ZNF804A: variants seen among roughly 807,000 people sequenced by gnomAD.
ZNF804A encodes zinc finger protein 804A.
Under a neutral mutation model 16.5 loss-of-function variants are expected in ZNF804A, and 2 were observed. That is an observed-to-expected ratio of 0.12 (90% CI 0.05 to 0.38). The LOEUF (loss-of-function observed/expected upper bound fraction) is 0.38. ZNF804A is among the 10% of genes least tolerant of loss of function. The pLI, the probability that ZNF804A is intolerant of heterozygous loss-of-function variation, is 0.99. For synonymous variants in ZNF804A, 534 were observed against 489.6 expected (o/e 1.09, Z -1.20); for missense variants, 1,473 against 1,390.7 (o/e 1.06, Z -0.94).
At chr2:184,848,153 T>C (rs1695547793) in intron 1 of ZNF804A, among the ~76,000 whole-genome samples, 1 of 152,022 alleles carries the variant, frequency 6.6e-6, no homozygotes. Flanking sequence ...TCTTGGACTT[T>C]CTAGTGACCA....
At position 184,649,887 on chromosome 2, in the gene ZNF804A, G is replaced by T. The variant is rs532675259; in HGVS notation, c.111+50817G>T. On this transcript the variant is annotated intron_variant, in intron 1 of 3. Transcript: ENST00000302277. ...GATTCACAGCTATGTTTCAGCAGAAGTACAAAGACAAACTAATACCAATTC... is the reference window on the plus strand; with the variant it reads ...GATTCACAGCTATGTTTCAGCAGAATTACAAAGACAAACTAATACCAATTC... Among the ~76,000 whole-genome samples the T allele has an allele frequency of 4.7e-5, 7 of 148,648 alleles. 1 individual carries two copies. The highest frequency in any genetic ancestry group is 1.0e-4 in the Non-Finnish European group (7 of 67,434).
At chr2:184,876,635 T>A (rs1047934249) in intron 2 of ZNF804A, among the ~76,000 whole-genome samples, 2 of 152,176 alleles carry the variant, frequency 1.3e-5, no homozygotes, top group African/African-American at 2.4e-5. Context: ...GGGACTGAAA[T>A]AAATTGTATA....
chr2:184,933,608 C>T lies in ZNF804A; in HGVS notation c.261C>T (p.Leu87=). The change falls in exon 3 of 4, where the codon CTC becomes CTT. Residue 87 remains leucine (L), a synonymous_variant. Transcript: ENST00000302277. The part of the protein sequence containing the change: ...NSYDHAHKQR[L]KELKQREFAR... ...TTCCAACTTTTTTTTAACAGAGGCTCAAGGAACTGAAACAAAGGGAATTTG... is the reference window on the plus strand; with the variant it reads ...TTCCAACTTTTTTTTAACAGAGGCTTAAGGAACTGAAACAAAGGGAATTTG... 1 of 1,592,832 alleles carries T rather than the reference C, an allele frequency of 6.3e-7. No homozygotes were observed. Among genetic ancestry groups the T allele is most frequent in the Non-Finnish European group, 8.5e-7 (1 of 1,174,194 alleles).
chr2:184,802,590 G>C (rs1215430959), intron 1 of ZNF804A, among the ~76,000 whole-genome samples: 1 of 152,146 alleles, frequency 6.6e-6, no homozygotes, highest in South Asian at 2.1e-4. Context: ...GATTTCAACT[G>C]TGACTCTCTG....
intron 1 of ZNF804A, among the ~76,000 whole-genome samples, chr2:184,663,404 C>T (rs1436542915): frequency 2.6e-5 from 4 of 152,040 alleles, no homozygotes; most frequent in Non-Finnish European, 5.9e-5. Context: ...AGACTTTGGG[C>T]ACTGTGCATG....
intron 1 of ZNF804A, among the ~76,000 whole-genome samples, chr2:184,818,716 G>A (rs1451856827): frequency 1.3e-5 from 2 of 151,686 alleles, no homozygotes; most frequent in Non-Finnish European, 2.9e-5. Context: ...GGAAAATTTA[G>A]AAGGCAAATA....
chr2:184,908,306 C>A (rs1480145122), intron 2 of ZNF804A, among the ~76,000 whole-genome samples: 1 of 152,104 alleles, frequency 6.6e-6, no homozygotes, highest in African/African-American at 2.4e-5. Flanking sequence ...GAATCTCTCT[C>A]TCTTTTTTCT....
At chr2:184,628,990 T>C (rs1230262559) in intron 1 of ZNF804A, among the ~76,000 whole-genome samples, 1 of 152,158 alleles carries the variant, frequency 6.6e-6, no homozygotes, top group East Asian at 1.9e-4. Context: ...TCCTTATACC[T>C]TTTTTCATTC....
chr2:184,706,524 A>G (rs1693033433), intron 1 of ZNF804A, among the ~76,000 whole-genome samples: 1 of 152,168 alleles, frequency 6.6e-6, no homozygotes, highest in South Asian at 2.1e-4. Flanking sequence ...AGAGCTGCTG[A>G]TAACTTTAAA....
intron 1 of ZNF804A, among the ~76,000 whole-genome samples, chr2:184,733,170 G>T (rs1034004039): frequency 2.0e-5 from 3 of 151,998 alleles, no homozygotes; most frequent in African/African-American, 7.2e-5. Flanking sequence ...ATTTATTGTG[G>T]ATATTCTTTG....
intron 1 of ZNF804A, among the ~76,000 whole-genome samples, chr2:184,630,620 T>C (rs945381378): frequency 5.3e-5 from 8 of 152,236 alleles, no homozygotes; most frequent in African/African-American, 1.9e-4. Flanking sequence ...GGGTAAAAAA[T>C]TCAAGGTTTA....
intron 1 of ZNF804A, among the ~76,000 whole-genome samples, chr2:184,628,663 A>G (rs1691550034): frequency 6.6e-6 from 1 of 152,032 alleles, no homozygotes; most frequent in South Asian, 2.1e-4. Flanking sequence ...TTTTAAAAAA[A>G]TACTTGTGTT....
chr2:184,705,753 A>T (rs1693017788), intron 1 of ZNF804A, among the ~76,000 whole-genome samples: 1 of 152,146 alleles, frequency 6.6e-6, no homozygotes, highest in African/African-American at 2.4e-5. Context: ...ACATAAACAC[A>T]ATGAATACGC....
intron 1 of ZNF804A, among the ~76,000 whole-genome samples, chr2:184,636,482 ATATT>A (rs1691700394): frequency 7.6e-6 from 1 of 130,748 alleles, no homozygotes; most frequent in Non-Finnish European, 1.6e-5. Flanking sequence ...AGAGAGGTAA[ATATT>A]TGTGTTTTCT....
At chr2:184,687,237 T>G (rs1692651376) in intron 1 of ZNF804A, among the ~76,000 whole-genome samples, 1 of 152,216 alleles carries the variant, frequency 6.6e-6, no homozygotes, top group South Asian at 2.1e-4. Context: ...CTCTTCTGCA[T>G]ATGGCTAACC....
intron 1 of ZNF804A, among the ~76,000 whole-genome samples, chr2:184,765,613 C>T (rs546364209): frequency 1.6e-4 from 24 of 146,886 alleles, no homozygotes; most frequent in African/African-American, 5.9e-4. Flanking sequence ...GCACCCCCCC[C>T]CCTTAGAGTC....
intron 1 of ZNF804A, among the ~76,000 whole-genome samples, chr2:184,842,141 T>C (rs559182113): frequency 2.4e-3 from 360 of 152,306 alleles, no homozygotes; most frequent in Non-Finnish European, 4.0e-3. Flanking sequence ...AAATATCCCT[T>C]TTCTTTTGGA....
intron 1 of ZNF804A, among the ~76,000 whole-genome samples, chr2:184,621,694 T>C: frequency 6.6e-6 from 1 of 151,770 alleles, no homozygotes; most frequent in South Asian, 2.1e-4. Flanking sequence ...AAGTGTGTAG[T>C]ATAATTTACT....
intron 1 of ZNF804A, among the ~76,000 whole-genome samples, chr2:184,640,037 A>T (rs963430179): frequency 2.0e-5 from 3 of 148,940 alleles, no homozygotes; most frequent in African/African-American, 7.3e-5. Flanking sequence ...AAATAAAATA[A>T]AAAAAAATAG....
Sources: allele counts gnomAD v4.1 joint callset (sites outside exome capture counted in the v4.1 genomes callset), GRCh38; gene constraint gnomAD v4.1.1; transcripts MANE v1.5; gene names NCBI Gene and HGNC (gene_info 2026-07-23, HGNC 2026-07-21).